The following STAU2 variants were observed in gnomAD, a reference collection of about 807,000 sequenced individuals.
STAU2 encodes the protein staufen double-stranded RNA binding protein 2, also known as double-stranded RNA-binding protein Staufen homolog 2.
In STAU2, 20 loss-of-function variants were observed where a neutral mutation model predicts 65.9. The ratio of observed to expected loss-of-function variants is 0.30; its 90% CI spans 0.21 to 0.44. The LOEUF is 0.44. Ranked by LOEUF, STAU2 falls within the 20% of genes least tolerant of loss-of-function variation. The probability of loss-of-function intolerance (pLI) is 1.00; values close to 1 mark genes in which losing one functional copy is unlikely to be tolerated. For synonymous variants in STAU2, 232 were observed against 233.9 expected (o/e 0.99, Z 0.07); for missense variants, 558 against 683.9 (o/e 0.82, Z 2.05).
At chr8:73,526,345 C>G (rs1432808779) in intron 13 of STAU2, among the ~76,000 whole-genome samples, 3 of 152,158 alleles carry the variant, frequency 2.0e-5, no homozygotes, top group Non-Finnish European at 2.9e-5. Flanking sequence ...CTAAATATCA[C>G]AATACTTCCC....
At chr8:73,709,612 G>A (rs1203701245) in intron 3 of STAU2, among the ~76,000 whole-genome samples, 1 of 151,688 alleles carries the variant, frequency 6.6e-6, no homozygotes, top group African/African-American at 2.4e-5. Flanking sequence ...TTGGGAATCA[G>A]GTCCTAAGTT....
At chr8:73,537,501 A>G (rs1806259806) in intron 13 of STAU2, among the ~76,000 whole-genome samples, 1 of 152,242 alleles carries the variant, frequency 6.6e-6, no homozygotes, top group South Asian at 2.1e-4. Flanking sequence ...TGACCTACAG[A>G]AGTAAAAGAA....
At chr8:73,430,241 C>T (rs1012468658) in intron 13 of STAU2, among the ~76,000 whole-genome samples, 18 of 152,160 alleles carry the variant, frequency 1.2e-4, no homozygotes, top group African/African-American at 4.3e-4. Flanking sequence ...TGAGAAGAGG[C>T]ACTGGGATTG....
At chr8:73,619,973 A>G (rs1263589079) in intron 6 of STAU2, among the ~76,000 whole-genome samples, 1 of 152,234 alleles carries the variant, frequency 6.6e-6, no homozygotes, top group African/African-American at 2.4e-5. Context: ...TTTATTATAA[A>G]CAAAGATTAA....
At chr8:73,681,904 G>A (rs986640047) in intron 5 of STAU2, among the ~76,000 whole-genome samples, 11 of 152,098 alleles carry the variant, frequency 7.2e-5, no homozygotes, top group Admixed American at 1.3e-4. Context: ...AATGATAAAC[G>A]GACTAGTCCA....
intron 13 of STAU2, among the ~76,000 whole-genome samples, chr8:73,521,459 T>A (rs975002631): frequency 6.6e-6 from 1 of 152,230 alleles, no homozygotes. Context: ...TATGTATATG[T>A]ATGTATACGG....
intron 6 of STAU2, among the ~76,000 whole-genome samples, chr8:73,644,007 T>C (rs1036919845): frequency 1.3e-5 from 2 of 152,088 alleles, no homozygotes; most frequent in African/African-American, 4.8e-5. Flanking sequence ...GAAGGCAAAA[T>C]GAAAAATTAG....
intron 3 of STAU2, among the ~76,000 whole-genome samples, chr8:73,727,091 G>A (rs1280987449): frequency 3.9e-5 from 6 of 152,032 alleles, no homozygotes; most frequent in African/African-American, 9.7e-5. Context: ...TTAGCTGGGC[G>A]TGGCGGCAGG....
chr8:73,506,790 C>A (rs1353659809), intron 13 of STAU2, among the ~76,000 whole-genome samples: 1 of 152,150 alleles, frequency 6.6e-6, no homozygotes, highest in Admixed American at 6.6e-5. Flanking sequence ...CTTTAAAAAT[C>A]GGAGTCTATC....
chr8:73,433,498 C>G (rs1817458940), intron 13 of STAU2, among the ~76,000 whole-genome samples: 1 of 138,996 alleles, frequency 7.2e-6, no homozygotes, highest in African/African-American at 2.8e-5. Flanking sequence ...GCCATCACGC[C>G]CCGCCTTTTT....
At chr8:73,492,813 T>C (rs747245298) in intron 13 of STAU2, among the ~76,000 whole-genome samples, 3 of 151,874 alleles carry the variant, frequency 2.0e-5, no homozygotes, top group Non-Finnish European at 2.9e-5. Flanking sequence ...TGAGGAAAGA[T>C]ATATGTGCAA....
rs927924120 is a variant in STAU2, at chr8:73,599,531, T to C, written c.1029+4195A>G. 1.6e-4 allele frequency among the ~76,000 whole-genome samples: 24 copies of C among 152,338 alleles called. No homozygotes were observed. In the Middle Eastern group the frequency reaches 0.01, roughly 65 times the overall value. On this transcript the variant is annotated intron_variant, in intron 10 of 14. Coordinates refer to ENST00000524300, the MANE Select transcript of STAU2 (RefSeq NM_001164380.2). ...AAAAAAAGTTAGAAAGTTTCAATAATAGTTTCATGCCACTTTAATACATTT... is the reference window on the plus strand; with the variant it reads ...AAAAAAAGTTAGAAAGTTTCAATAACAGTTTCATGCCACTTTAATACATTT...
chr8:73,465,739 C>T (rs1460428315), intron 13 of STAU2, among the ~76,000 whole-genome samples: 1 of 152,204 alleles, frequency 6.6e-6, no homozygotes, highest in Admixed American at 6.5e-5. Flanking sequence ...TTAGACCATA[C>T]AGGACTTGGT....
chr8:73,706,786 T>C (rs1417836494), intron 4 of STAU2, among the ~76,000 whole-genome samples: 9 of 152,172 alleles, frequency 5.9e-5, no homozygotes, highest in African/African-American at 1.2e-4. Context: ...CCTGGGACTA[T>C]TGAGAAATAA....
At chr8:73,491,355 T>C (rs1821145208) in intron 13 of STAU2, among the ~76,000 whole-genome samples, 1 of 151,946 alleles carries the variant, frequency 6.6e-6, no homozygotes, top group Admixed American at 6.6e-5. Context: ...GGGGATCATG[T>C]GAAGGCTAGC....
chr8:73,733,083 C>T (rs1436332754), intron 3 of STAU2, among the ~76,000 whole-genome samples: 5 of 151,364 alleles, frequency 3.3e-5, no homozygotes, highest in African/African-American at 9.7e-5. Context: ...TTGCCCTACA[C>T]GGTTCTGCTA....
At chr8:73,511,022 G>A (rs141533524) in intron 13 of STAU2, among the ~76,000 whole-genome samples, 76 of 152,348 alleles carry the variant, frequency 5.0e-4, no homozygotes, top group Admixed American at 1.3e-3. Context: ...CGTTCTTGGT[G>A]ACCACTGAAG....
rs371603451 is a variant in STAU2, at chr8:73,571,964, G to A, written c.1222+10806C>T. Among the ~76,000 whole-genome samples, 93 of 152,140 alleles carry A rather than the reference G, an allele frequency of 6.1e-4. No individual in the cohort carries two copies. The South Asian group carries it at 0.013, about 21-fold the overall frequency. ...AAAAAAATCAATGAATCCAGGAAGC[G>A]GTTTTTTGAAAAGATCAACAAAATT... is the stretch of plus-strand genomic sequence containing the variant. On this transcript the variant is annotated intron_variant, in intron 12 of 14. Transcript: ENST00000524300.
Position 73,518,460 on chromosome 8 carries a change from A to G in STAU2, c.1530+33552T>C, listed in dbSNP as rs538651541. ...AATAAGGTCTCTGTCATAACTACTC[A>G]TATCTGTCATCATAGTGTGAAAGTG... On this transcript the variant is annotated intron_variant, in intron 13 of 14. Transcript: ENST00000524300. 9.1e-4 allele frequency among the ~76,000 whole-genome samples: 138 copies of G among 152,326 alleles called. 1 individual carries two copies. The highest frequency in any genetic ancestry group is 3.2e-3 in the African/African-American group (132 of 41,578).
Sources: allele counts gnomAD v4.1 joint callset (sites outside exome capture counted in the v4.1 genomes callset), GRCh38; gene constraint gnomAD v4.1.1; transcripts MANE v1.5; gene names NCBI Gene and HGNC (gene_info 2026-07-23, HGNC 2026-07-21).